Variants in DCDC1 observed in about 807,000 individuals in gnomAD.
DCDC1 encodes doublecortin domain-containing protein 1.
Under a neutral mutation model 178.3 loss-of-function variants are expected in DCDC1, and 200 were observed. That is an observed-to-expected ratio of 1.12 (90% CI 1.00 to 1.26). The LOEUF (loss-of-function observed/expected upper bound fraction) is 1.26. DCDC1 is among the 50% of genes most tolerant of loss of function. The pLI, the probability that DCDC1 is intolerant of heterozygous loss-of-function variation, is 0.00. For missense variants in DCDC1, 1,983 were observed against 1,749.2 expected, an observed-to-expected ratio of 1.13 and a Z score of -2.38; for synonymous variants, 690 against 604.8, an observed-to-expected ratio of 1.14 and a Z score of -2.07.
chr11:30,983,851 C>A (rs1023954141), intron 20 of DCDC1, among the ~76,000 whole-genome samples: 8 of 152,078 alleles, frequency 5.3e-5, no homozygotes, highest in Admixed American at 1.3e-4. Flanking sequence ...AAATTGTTGA[C>A]AATTCTCTGA....
At chr11:31,268,749 T>C (rs1396034882) in intron 7 of DCDC1, among the ~76,000 whole-genome samples, 2 of 152,230 alleles carry the variant, frequency 1.3e-5, no homozygotes, top group East Asian at 3.8e-4. Context: ...AGTAATGGGA[T>C]TGCTGGGTCA....
At chr11:31,308,752 T>A (rs765380308) in intron 3 of DCDC1, among the ~76,000 whole-genome samples, 4 of 152,172 alleles carry the variant, frequency 2.6e-5, no homozygotes, top group Admixed American at 6.6e-5. Flanking sequence ...AATATACCGG[T>A]ATGATAAAAT....
At chr11:30,970,762 T>C (rs1407187237) in intron 20 of DCDC1, among the ~76,000 whole-genome samples, 1 of 152,084 alleles carries the variant, frequency 6.6e-6, no homozygotes, top group East Asian at 1.9e-4. Context: ...CCACTGATCC[T>C]TCCCCCAACT....
At chr11:31,257,286 G>C (rs993904861) in intron 8 of DCDC1, among the ~76,000 whole-genome samples, 6 of 152,170 alleles carry the variant, frequency 3.9e-5, no homozygotes, top group Non-Finnish European at 7.3e-5. Flanking sequence ...TTAGATTCAT[G>C]TGGCTTGTTG....
At chr11:31,245,754 T>C (rs1943511436) in intron 8 of DCDC1, among the ~76,000 whole-genome samples, 2 of 151,826 alleles carry the variant, frequency 1.3e-5, no homozygotes, top group Non-Finnish European at 2.9e-5. Flanking sequence ...GACAGAGCAA[T>C]AATATTAGAT....
chr11:31,032,114 T>C (rs951897321), intron 20 of DCDC1, among the ~76,000 whole-genome samples: 1 of 152,140 alleles, frequency 6.6e-6, no homozygotes, highest in Non-Finnish European at 1.5e-5. Flanking sequence ...CAAATCCCTA[T>C]GAAATTTGGC....
chr11:31,293,809 C>G (rs1565564518), intron 6 of DCDC1, among the ~76,000 whole-genome samples: 1 of 152,180 alleles, frequency 6.6e-6, no homozygotes, highest in Admixed American at 6.5e-5. Context: ...TGTGGTGGCA[C>G]TGGGACATGA....
Position 31,273,063 on chromosome 11 carries a change from G to A in DCDC1, c.961-7463C>T, listed in dbSNP as rs916228964. Among the ~76,000 whole-genome samples the A allele has an allele frequency of 4.6e-5, 7 of 152,282 alleles. No individual in the cohort carries two copies. In the East Asian group the frequency reaches 1.4e-3, roughly 29 times the overall value. On this transcript the variant is annotated intron_variant, in intron 7 of 38. Transcript: ENST00000684477. ...ACTGCAATGTAGTATGGGACCCTGGGCCCGGCCCACGAACCATTTTTTCCT... is the reference window on the plus strand; with the variant it reads ...ACTGCAATGTAGTATGGGACCCTGGACCCGGCCCACGAACCATTTTTTCCT...
At chr11:31,143,131 A>C (rs1964039045) in intron 9 of DCDC1, among the ~76,000 whole-genome samples, 1 of 152,186 alleles carries the variant, frequency 6.6e-6, no homozygotes, top group African/African-American at 2.4e-5. Context: ...AAGGCACATC[A>C]TAATGGCCAA....
chr11:31,111,129 TGAGA>T (rs963472131), intron 11 of DCDC1, among the ~76,000 whole-genome samples: 44 of 152,258 alleles, frequency 2.9e-4, no homozygotes, highest in African/African-American at 1.0e-3. Context: ...AGGAAGCAGC[TGAGA>T]GAGGGGCCTG....
At chr11:31,338,056 A>G (rs1031092848) in intron 1 of DCDC1, among the ~76,000 whole-genome samples, 3 of 152,168 alleles carry the variant, frequency 2.0e-5, no homozygotes, top group African/African-American at 7.2e-5. Flanking sequence ...TGACCACATC[A>G]GATGTGGTCA....
At chr11:31,234,316 TATAAA>T (rs1373746795) in intron 9 of DCDC1, among the ~76,000 whole-genome samples, 1 of 152,184 alleles carries the variant, frequency 6.6e-6, no homozygotes, top group Admixed American at 6.6e-5. Flanking sequence ...TTGCAACATA[TATAAA>T]ATAAGAGCAA....
intron 14 of DCDC1, 125 bp downstream of exon 14, chr11:31,103,519 T>C (rs1958638996): frequency 5.4e-6 from 3 of 553,238 alleles, no homozygotes; most frequent in African/African-American, 1.9e-5. Flanking sequence ...AAAGAAACAA[T>C]TGCTTATTTA....
At position 31,307,625 on chromosome 11, in the gene DCDC1, A is replaced by T. The variant is rs955895286; in HGVS notation, c.434+14T>A. 7 of 1,613,028 alleles carry T rather than the reference A, an allele frequency of 4.3e-6. No individual in the cohort carries two copies. The highest frequency in any genetic ancestry group is 5.9e-6 in the Non-Finnish European group (7 of 1,179,406). Reference sequence around the variant, plus strand: ...AACAATAGGTTAAAAAGAACAGAGAACAGCTTTGATTACCTCAGTTGACCC... The same window carrying T: ...AACAATAGGTTAAAAAGAACAGAGATCAGCTTTGATTACCTCAGTTGACCC... On this transcript the variant is annotated intron_variant, in intron 4 of 38. Transcript: ENST00000684477.
intron 8 of DCDC1, among the ~76,000 whole-genome samples, chr11:31,249,740 G>T (rs534937266): frequency 1.3e-5 from 2 of 152,198 alleles, no homozygotes; most frequent in South Asian, 4.1e-4. Context: ...GACCTAAATT[G>T]TTACATTTCA....
At chr11:31,273,893 A>G (rs1970028) in intron 7 of DCDC1, among the ~76,000 whole-genome samples, 90,860 of 152,024 alleles carry the variant, frequency 0.6, 27,500 homozygotes, top group East Asian at 0.93. Flanking sequence ...GATGGCAGCA[A>G]GCAGAGAGAG....
At chr11:30,982,213 C>T (rs1193284933) in intron 20 of DCDC1, among the ~76,000 whole-genome samples, 1 of 152,178 alleles carries the variant, frequency 6.6e-6, no homozygotes, top group African/African-American at 2.4e-5. Flanking sequence ...TAAAGCACCT[C>T]TTGAGAACAC....
At chr11:30,987,148 C>T (rs1485742351) in intron 20 of DCDC1, among the ~76,000 whole-genome samples, 1 of 152,114 alleles carries the variant, frequency 6.6e-6, no homozygotes, top group Non-Finnish European at 1.5e-5. Context: ...TCCCAAGTAG[C>T]TGGGACTACA....
At position 31,094,383 on chromosome 11, in the gene DCDC1, C is replaced by T. The variant is rs1186163203; in HGVS notation, c.1984-199G>A. Among the ~76,000 whole-genome samples the T allele has an allele frequency of 2.0e-5, 3 of 152,094 alleles. No individual in the cohort carries two copies. The East Asian group carries it at 5.8e-4, about 29-fold the overall frequency. ...CAACTCTATTATGCAAGACCCTATG[C>T]TGTGTGGTGTGGAATATTATAAAAT... On this transcript the variant is annotated intron_variant, in intron 15 of 38. Transcript: ENST00000684477.
Sources: allele counts gnomAD v4.1 joint callset (sites outside exome capture counted in the v4.1 genomes callset), GRCh38; gene constraint gnomAD v4.1.1; transcripts MANE v1.5; gene names NCBI Gene and HGNC (gene_info 2026-07-23, HGNC 2026-07-21).